The following FAF2 variants were observed in gnomAD, a reference collection of about 807,000 sequenced individuals.
FAF2 encodes FAS-associated factor 2.
FAF2 carries 9 observed loss-of-function variants against 62.3 expected under a neutral mutation model. That is an observed-to-expected ratio of 0.14 (90% CI 0.09 to 0.25). The LOEUF (loss-of-function observed/expected upper bound fraction) is 0.25, where lower values mean the gene tolerates loss of function less well. FAF2 is among the 10% of genes least tolerant of loss of function. FAF2 has a pLI of 1.00. For synonymous variants in FAF2, 202 were observed against 198.0 expected (o/e 1.02, Z -0.17); for missense variants, 368 against 556.2 (o/e 0.66, Z 3.40).
chr5:176,462,837 A>G (rs924563986), intron 1 of FAF2, among the ~76,000 whole-genome samples: 1 of 152,180 alleles, frequency 6.6e-6, no homozygotes, highest in Non-Finnish European at 1.5e-5. Flanking sequence ...TTGTCAGCCT[A>G]GAAGGGGTGA....
At position 176,509,502 on chromosome 5, in the gene FAF2, T is replaced by C. The variant is rs1755742304; in HGVS notation, c.*2552T>C. 1 of 152,410 alleles carries C rather than the reference T, an allele frequency of 6.6e-6. No homozygotes were observed. Among genetic ancestry groups the C allele is most frequent in the Non-Finnish European group, 1.5e-5 (1 of 68,036 alleles). The allele number at this position is 152,410 out of a possible 1,614,324, so 9.4% of individuals were successfully genotyped here. A position where few individuals can be genotyped will look rare whatever the true frequency, so the allele number is the denominator to read the frequency against. ...TTGTTCTGCACTCCCACGACTGAAG[T>C]TGTAGATTGAGCTGAATAACCATGG... On this transcript the variant is annotated 3_prime_UTR_variant, in exon 11 of 11. Transcript: ENST00000261942.
chr5:176,455,462 A>G (rs1293230154), intron 1 of FAF2, among the ~76,000 whole-genome samples: 1 of 143,294 alleles, frequency 7.0e-6, no homozygotes, highest in Non-Finnish European at 1.5e-5. Context: ...AAAAAAAGTA[A>G]AAAATAGCCA....
chr5:176,489,397 TTCC>T (rs1758932071), intron 4 of FAF2, among the ~76,000 whole-genome samples: 2 of 151,780 alleles, frequency 1.3e-5, no homozygotes, highest in African/African-American at 4.8e-5. Context: ...TAGAACTTTC[TTCC>T]TCAACTACTT....
chr5:176,495,435 A>C (rs1561827208), intron 7 of FAF2, among the ~76,000 whole-genome samples: 1 of 151,858 alleles, frequency 6.6e-6, no homozygotes. Flanking sequence ...AGTTTATAAA[A>C]TCTCTTATTT....
At chr5:176,478,479 G>A (rs1002529038) in intron 1 of FAF2, among the ~76,000 whole-genome samples, 1 of 151,306 alleles carries the variant, frequency 6.6e-6, no homozygotes, top group Non-Finnish European at 1.5e-5. Flanking sequence ...ACCCTGTCTC[G>A]AAAAAAAAGT....
At position 176,507,476 on chromosome 5, in the gene FAF2, T is replaced by G; in HGVS notation, c.*526T>G. The stretch of plus-strand genomic sequence containing the variant: ...CCACAAGTTTTCAATAACTTTTATT[T>G]CTGTTTTGTAATGACCAAAGGAATG... On this transcript the variant is annotated 3_prime_UTR_variant, in exon 11 of 11. Transcript: ENST00000261942. 3.5e-6 allele frequency: 1 copy of G among 288,296 alleles called. No individual in the cohort carries two copies. Among genetic ancestry groups the G allele is most frequent in the Non-Finnish European group, 7.0e-6 (1 of 142,640 alleles). The allele number at this position is 288,296 out of a possible 1,614,324, so 17.9% of individuals were successfully genotyped here.
At chr5:176,455,727 T>A (rs1235541920) in intron 1 of FAF2, among the ~76,000 whole-genome samples, 1 of 152,064 alleles carries the variant, frequency 6.6e-6, no homozygotes, top group Non-Finnish European at 1.5e-5. Context: ...CCAGCCTGGG[T>A]GACAGAGTGA....
intron 1 of FAF2, among the ~76,000 whole-genome samples, chr5:176,467,551 C>G (rs1758492213): frequency 6.6e-6 from 1 of 152,144 alleles, no homozygotes; most frequent in Admixed American, 6.6e-5. Context: ...AGGCTGGTCT[C>G]AAATTCCTGG....
chr5:176,466,539 G>C (rs1372225615), intron 1 of FAF2, among the ~76,000 whole-genome samples: 1 of 152,184 alleles, frequency 6.6e-6, no homozygotes, highest in East Asian at 1.9e-4. Flanking sequence ...TTACACCCTG[G>C]TTACCCAATC....
intron 3 of FAF2, 141 bp downstream of exon 3, chr5:176,486,630 T>C (rs1233309683): frequency 3.8e-6 from 3 of 780,190 alleles, no homozygotes; most frequent in Non-Finnish European, 5.9e-6. Flanking sequence ...TTGGGTGTAT[T>C]ATTTTGCCTT....
intron 1 of FAF2, among the ~76,000 whole-genome samples, chr5:176,465,823 C>G (rs1457769766): frequency 6.6e-6 from 1 of 152,178 alleles, no homozygotes; most frequent in African/African-American, 2.4e-5. Context: ...TGCCACTGCA[C>G]TCCAGCCTGG....
chr5:176,490,493 C>A (rs953164387), intron 4 of FAF2, among the ~76,000 whole-genome samples: 1 of 146,680 alleles, frequency 6.8e-6, no homozygotes, highest in East Asian at 2.0e-4. Context: ...AGTACAGGTT[C>A]CCTGTACTTC....
Position 176,448,396 on chromosome 5 carries a change from G to T in FAF2, c.-12G>T. 1 of 1,603,578 alleles carries T rather than the reference G, an allele frequency of 6.2e-7. No individual in the cohort carries two copies. Among genetic ancestry groups the T allele is most frequent in the Non-Finnish European group, 8.5e-7 (1 of 1,175,532 alleles). On this transcript the variant is annotated 5_prime_UTR_variant, in exon 1 of 11. In the 5' UTR this introduces an upstream ATG that the reference lacks. Coordinates refer to ENST00000261942, the MANE Select transcript of FAF2 (RefSeq NM_014613.3). ...GGTGCGGACGGGTCAGGAGCGTAGA[G>T]GCGGCGGCAAAATGGCGGCGCCTGA... is the stretch of plus-strand genomic sequence containing the variant.
chr5:176,488,937 T>G lies in FAF2; in HGVS notation c.268-14T>G, dbSNP rs1758922883. Reference sequence around the variant, plus strand: ...TTGAGAGAATTGTCTCTAACTTTGTTTTTGGACTTTCAGGGGCTGCTTGGA... The same window carrying G: ...TTGAGAGAATTGTCTCTAACTTTGTGTTTGGACTTTCAGGGGCTGCTTGGA... On this transcript the variant is annotated splice_polypyrimidine_tract_variant and intron_variant, in intron 3 of 10. Coordinates refer to ENST00000261942, the MANE Select transcript of FAF2 (RefSeq NM_014613.3). 1 of 1,611,788 alleles carries G rather than the reference T, an allele frequency of 6.2e-7. No homozygotes were observed. The highest frequency in any genetic ancestry group is 8.5e-7 in the Non-Finnish European group (1 of 1,178,382).
At chr5:176,481,892 A>C (rs1254855053) in intron 2 of FAF2, among the ~76,000 whole-genome samples, 1 of 152,282 alleles carries the variant, frequency 6.6e-6, no homozygotes, top group South Asian at 2.1e-4. Flanking sequence ...GACTTTGCTG[A>C]GTCATATGGT....
At chr5:176,485,810 A>G (rs904738287) in intron 2 of FAF2, among the ~76,000 whole-genome samples, 5 of 152,216 alleles carry the variant, frequency 3.3e-5, no homozygotes, top group Admixed American at 6.5e-5. Flanking sequence ...GGCTCAAGCA[A>G]TCCTCTCACC....
intron 4 of FAF2, among the ~76,000 whole-genome samples, chr5:176,491,210 G>T (rs1167662472): frequency 2.0e-5 from 3 of 152,186 alleles, no homozygotes; most frequent in Non-Finnish European, 4.4e-5. Flanking sequence ...TAATGCAGCT[G>T]TATCATCCAA....
rs1397413497 is a variant in FAF2 at position 176,479,221 on chromosome 5, C to T, written c.97C>T (p.Arg33Cys). ...LTGIESMDQC[R>C]HTLEQHNWNI... ...TGGCATCGAATCTATGGATCAGTGT[C>T]GCCATACCTTGGAACAGCATAACTG... Residue 33 changes from arginine to cysteine, a missense_variant, in exon 2 of 11, where the codon CGC becomes TGC. Coordinates refer to ENST00000261942, the MANE Select transcript of FAF2 (RefSeq NM_014613.3). 3 of 1,613,788 alleles carry T rather than the reference C, an allele frequency of 1.9e-6. No homozygotes were observed. The highest frequency in any genetic ancestry group is 2.5e-6 in the Non-Finnish European group (3 of 1,179,898).
intron 1 of FAF2, among the ~76,000 whole-genome samples, chr5:176,476,976 A>AT (rs1212253332): frequency 1.3e-5 from 2 of 150,812 alleles, no homozygotes; most frequent in East Asian, 3.9e-4. Context: ...TGCCCGGCTA[A>AT]TTTTTTGTAT....
Sources: allele counts gnomAD v4.1 joint callset (sites outside exome capture counted in the v4.1 genomes callset), GRCh38; gene constraint gnomAD v4.1.1; transcripts MANE v1.5; gene names NCBI Gene and HGNC (gene_info 2026-07-23, HGNC 2026-07-21).